Variants in NFYA observed in about 807,000 individuals in gnomAD.
NFYA encodes CAAT-box DNA binding protein subunit A.
Under a neutral mutation model 52.8 loss-of-function variants are expected in NFYA, and 28 were observed. The observed-to-expected ratio is 0.53, with a 90% CI of 0.39 to 0.73. The LOEUF (loss-of-function observed/expected upper bound fraction) is 0.73, where lower values mean the gene tolerates loss of function less well. NFYA is among the 30% of genes least tolerant of loss of function. NFYA has a pLI of 0.00. For synonymous variants in NFYA, 150 were observed against 150.7 expected (o/e 1.00, Z 0.03); for missense variants, 234 against 427.0 (o/e 0.55, Z 3.98).
At chr6:41,082,249 CGAAA>C (rs1243811668) in intron 3 of NFYA, among the ~76,000 whole-genome samples, 1 of 152,134 alleles carries the variant, frequency 6.6e-6, no homozygotes, top group Non-Finnish European at 1.5e-5. Context: ...TAAATTAAGC[CGAAA>C]GAAACTGAGC....
At position 41,091,788 on chromosome 6, in the gene NFYA, T is replaced by A. The variant is rs543371739; in HGVS notation, c.714+94T>A. On this transcript the variant is annotated intron_variant, in intron 7 of 9. Coordinates refer to ENST00000341376, the MANE Select transcript of NFYA (RefSeq NM_002505.5). ...ATTTATTATGTTGACCTCTTGGGAT[T>A]GAGATCGATCCTTAAGGCACTGTCG... 3.5e-5 allele frequency: 50 copies of A among 1,410,026 alleles called. 1 individual carries two copies. The African/African-American group carries it at 5.0e-4, about 14-fold the overall frequency. The allele number at this position is 1,410,026 out of a possible 1,614,324, so 87.3% of individuals were successfully genotyped here.
chr6:41,093,106 G>T (rs764640013), intron 8 of NFYA, 21 bp downstream of exon 8: 1 of 1,604,086 alleles, frequency 6.2e-7, no homozygotes, highest in South Asian at 1.1e-5. Flanking sequence ...CATTGGGAAG[G>T]ATATAGGAAA....
At chr6:41,090,085 A>C in intron 5 of NFYA, 119 bp from the exon 6 acceptor site, 1 of 663,376 alleles carries the variant, frequency 1.5e-6, no homozygotes. Context: ...ACTGCACTCC[A>C]GCCTGGCGAC....
At chr6:41,086,015 A>T (rs1764033769) in intron 4 of NFYA, among the ~76,000 whole-genome samples, 1 of 152,166 alleles carries the variant, frequency 6.6e-6, no homozygotes, top group Non-Finnish European at 1.5e-5. Flanking sequence ...TAGTTTTCAC[A>T]TTTCTCTTTG....
At chr6:41,091,444 A>T in intron 6 of NFYA, 84 bp from the exon 7 acceptor site, 1 of 1,379,382 alleles carries the variant, frequency 7.2e-7, no homozygotes, top group Non-Finnish European at 1.0e-6. Flanking sequence ...AGTGTATACC[A>T]GATAGAAGAG....
chr6:41,089,008 C>A (rs776798764), intron 4 of NFYA, among the ~76,000 whole-genome samples: 1 of 151,956 alleles, frequency 6.6e-6, no homozygotes, highest in Non-Finnish European at 1.5e-5. Flanking sequence ...TTTTTTGAGA[C>A]GGAATCTCGC....
chr6:41,080,360 T>G (rs1763872562), intron 2 of NFYA, among the ~76,000 whole-genome samples: 1 of 152,162 alleles, frequency 6.6e-6, no homozygotes, highest in Non-Finnish European at 1.5e-5. Flanking sequence ...GTCATGAAGA[T>G]GATTTCGGTT....
chr6:41,090,369 A>T, intron 6 of NFYA, 60 bp downstream of exon 6: 2 of 993,834 alleles, frequency 2.0e-6, no homozygotes, highest in Non-Finnish European at 3.2e-6. Context: ...TCCCTTAGAC[A>T]ACTGACATCT....
chr6:41,089,590 C>A lies in NFYA; in HGVS notation c.321C>A (p.Val107=), dbSNP rs757926458. The change falls in exon 5 of 10, where the codon GTC becomes GTA. Residue 107 remains valine (V), a synonymous_variant. Transcript: ENST00000341376. ...GTQGLQQIQL[V]PPGQIQIQGG... is the part of the protein sequence containing the mutation. ...GTTCTTTTCTGCAGATACAGTTGGT[C>A]CCACCTGGACAGATCCAGATCCAGG... The A allele has an allele frequency of 2.5e-6, 4 of 1,606,416 alleles. No homozygotes were observed. The Admixed American group carries it at 6.8e-5, about 27-fold the overall frequency.
At chr6:41,082,368 G>T (rs1040828797) in intron 3 of NFYA, among the ~76,000 whole-genome samples, 1 of 152,126 alleles carries the variant, frequency 6.6e-6, no homozygotes, top group Non-Finnish European at 1.5e-5. Flanking sequence ...ATTTTGGATT[G>T]TCATTAACCC....
intron 4 of NFYA, among the ~76,000 whole-genome samples, chr6:41,089,375 G>C (rs1764137469): frequency 6.6e-6 from 1 of 152,152 alleles, no homozygotes; most frequent in African/African-American, 2.4e-5. Context: ...GTTAATATCA[G>C]GTATCCAGAC....
chr6:41,089,950 A>C (rs1340629520), intron 5 of NFYA, among the ~76,000 whole-genome samples: 1 of 152,082 alleles, frequency 6.6e-6, no homozygotes, highest in Non-Finnish European at 1.5e-5. Context: ...AAGCCCCGTC[A>C]AAATACAAAA....
rs1348899156 is a variant in NFYA at position 41,097,614 on chromosome 6, A to C, written c.*204A>C. 1.8e-6 allele frequency: 1 copy of C among 560,392 alleles called. No individual in the cohort carries two copies. Among genetic ancestry groups the C allele is most frequent in the East Asian group, 3.0e-5 (1 of 33,126 alleles). 34.7% of individuals were successfully genotyped at this position (560,392 alleles called of 1,614,324 possible). A position where few individuals can be genotyped will look rare whatever the true frequency, so the allele number is the denominator to read the frequency against. ...TTGCAAGCCTTTGTCTTACTCTTTCAGTCAGGACCTATTTCAGACTGTTGA... is the reference window on the plus strand; with the variant it reads ...TTGCAAGCCTTTGTCTTACTCTTTCCGTCAGGACCTATTTCAGACTGTTGA... On this transcript the variant is annotated 3_prime_UTR_variant, in exon 10 of 10. Coordinates refer to ENST00000341376, the MANE Select transcript of NFYA (RefSeq NM_002505.5).
intron 1 of NFYA, among the ~76,000 whole-genome samples, chr6:41,073,875 T>G (rs778274061): frequency 6.6e-6 from 1 of 152,042 alleles, no homozygotes; most frequent in Non-Finnish European, 1.5e-5. Flanking sequence ...CCCCGCCCCG[T>G]TCGCAGTGGC....
At chr6:41,093,192 C>A in intron 8 of NFYA, 107 bp downstream of exon 8, 1 of 937,762 alleles carries the variant, frequency 1.1e-6, no homozygotes, top group Non-Finnish European at 1.5e-6. Flanking sequence ...AAACAATTGA[C>A]GTTAGATACT....
At position 41,100,769 on chromosome 6, in the gene NFYA, C is replaced by G. The variant is rs189832646; in HGVS notation, c.*3359C>G. 2.7e-3 allele frequency among the ~76,000 whole-genome samples: 413 copies of G among 152,330 alleles called. 3 individuals carry two copies. The highest frequency in any genetic ancestry group is 9.6e-3 in the African/African-American group (398 of 41,582). On this transcript the variant is annotated 3_prime_UTR_variant, in exon 10 of 10. Transcript: ENST00000341376. ...ATCGTAGGAGCGTCTTCGCCTCCCC[C>G]GTTTCCAGTAGAAAAGACAGCTTTG... is the stretch of plus-strand genomic sequence containing the variant.
intron 9 of NFYA, among the ~76,000 whole-genome samples, chr6:41,095,172 A>C (rs1015540688): frequency 1.3e-5 from 2 of 151,994 alleles, no homozygotes; most frequent in Non-Finnish European, 2.9e-5. Flanking sequence ...TTCAACCCCT[A>C]CCCTTTCCCA....
At chr6:41,084,263 A>G (rs6908595) in intron 4 of NFYA, 71 bp downstream of exon 4, 1,514,543 of 1,517,062 alleles carry the variant, frequency 1, 756,019 homozygotes, top group Middle Eastern at 1. Flanking sequence ...ATTACAACCT[A>G]TTTGATAATT....
Position 41,089,668 on chromosome 6 carries a change from C to T in NFYA, c.399C>T (p.Ile133=). 6.2e-7 allele frequency: 1 copy of T among 1,612,744 alleles called. No homozygotes were observed. Among genetic ancestry groups the T allele is most frequent in the Non-Finnish European group, 8.5e-7 (1 of 1,180,014 alleles). The part of the protein sequence containing the change: ...QGQQGQTQQI[I]IQQPQTAVTA... ...AGCAGGGCCAGACCCAGCAGATCAT[C>T]ATCCAGCAGCCCCAGACGGCTGTCA... The change falls in exon 5 of 10, where the codon ATC becomes ATT. Residue 133 remains isoleucine (I), a synonymous_variant. Transcript: ENST00000341376.
Sources: gnomAD v4.1 joint callset for allele counts (sites outside exome capture counted in the v4.1 genomes callset) on GRCh38, gnomAD v4.1.1 for gene constraint, MANE v1.5 for transcripts, NCBI Gene and HGNC (gene_info 2026-07-23, HGNC 2026-07-21) for gene names.